The following ZNF677 variants were observed in gnomAD, a reference collection of about 807,000 sequenced individuals.
The protein encoded by ZNF677 is hypothetical protein MGC48625.
A neutral mutation model predicts 8.1 loss-of-function variants in ZNF677; 5 were observed. The ratio of observed to expected loss-of-function variants is 0.62; its 90% CI spans 0.32 to 1.29. The LOEUF is 1.29. ZNF677 is among the 50% of genes most tolerant of loss of function. The probability of loss-of-function intolerance (pLI) is 0.05; values close to 1 mark genes in which losing one functional copy is unlikely to be tolerated. For missense variants in ZNF677, 685 were observed against 685.9 expected, an observed-to-expected ratio of 1.00 and a Z score of 0.01; for synonymous variants, 221 against 225.6, an observed-to-expected ratio of 0.98 and a Z score of 0.18.
At chr19:53,248,233 A>G (rs1210171887) in intron 3 of ZNF677, among the ~76,000 whole-genome samples, 5 of 152,202 alleles carry the variant, frequency 3.3e-5, no homozygotes, top group African/African-American at 1.2e-4. Context: ...TTCTGTTTCT[A>G]TATAGCTCTG....
chr19:53,251,470 C>T (rs1421771240), intron 3 of ZNF677, 66 bp downstream of exon 3: 1 of 1,398,966 alleles, frequency 7.1e-7, no homozygotes. Flanking sequence ...ATAAAATTAG[C>T]AAGTCCAAAA....
At chr19:53,245,008 T>C (rs942255577) in intron 3 of ZNF677, among the ~76,000 whole-genome samples, 13 of 152,174 alleles carry the variant, frequency 8.5e-5, no homozygotes, top group African/African-American at 3.1e-4. Flanking sequence ...GAAAAGATGC[T>C]GTCTTCAGTA....
chr19:53,244,439 C>T (rs369284258), intron 3 of ZNF677, among the ~76,000 whole-genome samples: 8 of 152,216 alleles, frequency 5.3e-5, no homozygotes, highest in South Asian at 2.1e-4. Context: ...TATACACCAC[C>T]ACCTCTGTCT....
At chr19:53,241,615 T>G (rs2091050627) in intron 4 of ZNF677, 1 of 379,442 alleles carries the variant, frequency 2.6e-6, no homozygotes, top group Non-Finnish European at 4.7e-6. Flanking sequence ...CTAACCAGCG[T>G]TGTCACACTG....
At position 53,236,726 on chromosome 19, in the gene ZNF677, C is replaced by A; in HGVS notation, c.*246G>T. On this transcript the variant is annotated 3_prime_UTR_variant, in exon 5 of 5. Transcript: ENST00000598513. Reference sequence around the variant, plus strand: ...CCATCCTGAATGTCTTCTGTTATAACCATAATAGGGTAAATATTTTTATAA... The same window carrying A: ...CCATCCTGAATGTCTTCTGTTATAAACATAATAGGGTAAATATTTTTATAA... 1 of 329,736 alleles carries A rather than the reference C, an allele frequency of 3.0e-6. No individual in the cohort carries two copies. Among genetic ancestry groups the A allele is most frequent in the South Asian group, 5.9e-5 (1 of 16,856 alleles). 20.4% of individuals were successfully genotyped at this position (329,736 alleles called of 1,614,324 possible).
chr19:53,238,538 T>C lies in ZNF677; in HGVS notation c.189A>G (p.Thr63=). 4.5e-6 allele frequency: 7 copies of C among 1,567,626 alleles called. No homozygotes were observed. The highest frequency in any genetic ancestry group is 6.0e-6 in the Non-Finnish European group (7 of 1,163,166). ...PPEDDISVGF[T]SKGLSPKENN... ...TTTCCTTTGGTGATAATCCCTTGCT[T>C]GTAAATCCAACAGAAATATCTGAAA... Residue 63 remains threonine, a synonymous_variant, in exon 5 of 5, where the codon ACA becomes ACG. Coordinates refer to ENST00000598513, the MANE Select transcript of ZNF677 (RefSeq NM_182609.4).
chr19:53,249,697 C>A (rs189102619), intron 3 of ZNF677, among the ~76,000 whole-genome samples: 195 of 151,922 alleles, frequency 1.3e-3, no homozygotes, highest in African/African-American at 4.6e-3. Flanking sequence ...CTAAGCATCA[C>A]TGCATGACAT....
chr19:53,252,331 T>C (rs1298273671), intron 2 of ZNF677, among the ~76,000 whole-genome samples: 4 of 152,184 alleles, frequency 2.6e-5, no homozygotes, highest in Non-Finnish European at 5.9e-5. Flanking sequence ...ATTTCTGGTA[T>C]ACCCATCATC....
intron 3 of ZNF677, among the ~76,000 whole-genome samples, chr19:53,246,604 T>C (rs566286115): frequency 1.3e-5 from 2 of 151,216 alleles, no homozygotes; most frequent in South Asian, 2.1e-4. Flanking sequence ...TGAATGAAAA[T>C]GGAGTATGTT....
At chr19:53,245,764 A>C (rs777061862) in intron 3 of ZNF677, among the ~76,000 whole-genome samples, 3 of 152,204 alleles carry the variant, frequency 2.0e-5, no homozygotes, top group Non-Finnish European at 4.4e-5. Context: ...CTGTAATCCC[A>C]GCACTTTGGG....
intron 2 of ZNF677, 87 bp from the exon 3 acceptor site, chr19:53,251,692 GA>G (rs1035191294): frequency 1.0e-5 from 9 of 899,872 alleles, no homozygotes; most frequent in Admixed American, 3.0e-5. Context: ...GCTTGATATA[GA>G]AAAAAGATGG....
chr19:53,245,838 C>A (rs561542513), intron 3 of ZNF677, among the ~76,000 whole-genome samples: 1 of 151,764 alleles, frequency 6.6e-6, no homozygotes, highest in East Asian at 1.9e-4. Flanking sequence ...ATGGTGAAAC[C>A]TCATCTCTAT....
At position 53,238,298 on chromosome 19, in the gene ZNF677, G is replaced by T. The variant is rs761335006; in HGVS notation, c.429C>A (p.Phe143Leu). The T allele has an allele frequency of 3.1e-6, 5 of 1,613,712 alleles. No individual in the cohort carries two copies. The highest frequency in any genetic ancestry group is 3.3e-4 in the Middle Eastern group (2 of 6,080). ...DQQHNKSSIH[F>L]SLKQSVSIRD... ...TTATAGAAACACTCTGCTTTAAAGA[G>T]AAATGTATTGAGGATTTATTATGTT... The change falls in exon 5 of 5, where the codon TTC (phenylalanine) becomes TTA (leucine). Residue 143 changes from phenylalanine to leucine, a missense_variant. Physicochemically the swap from Phe to Leu is conservative, Grantham distance 22. Transcript: ENST00000598513.
At chr19:53,241,162 C>T (rs2146938456) in intron 4 of ZNF677, 1 of 151,842 alleles carries the variant, frequency 6.6e-6, no homozygotes, top group East Asian at 1.9e-4. Flanking sequence ...TCTGGTAAAA[C>T]ATATAAAACA....
At chr19:53,246,234 C>T (rs2091136469) in intron 3 of ZNF677, among the ~76,000 whole-genome samples, 1 of 145,432 alleles carries the variant, frequency 6.9e-6, no homozygotes, top group East Asian at 2.1e-4. Flanking sequence ...AGGAGAATGG[C>T]GGGAACCCAG....
Position 53,246,831 on chromosome 19 carries a change from T to C in ZNF677, c.16-2934A>G, listed in dbSNP as rs992241623. 2.0e-5 allele frequency among the ~76,000 whole-genome samples: 3 copies of C among 152,206 alleles called. No homozygotes were observed. In the South Asian group the frequency reaches 6.2e-4, roughly 32 times the overall value. ...TGCTTATAGTTAATCCTGTATTGTA[T>C]ACTTAAAAATTTGTTAAGACAGTAG... On this transcript the variant is annotated intron_variant, in intron 3 of 4. Transcript: ENST00000598513.
intron 3 of ZNF677, among the ~76,000 whole-genome samples, chr19:53,246,487 TACACACACAC>T (rs60644090): frequency 0.04 from 5,581 of 140,314 alleles, 143 homozygotes; most frequent in Non-Finnish European, 0.048. Context: ...AAAGAAAATG[TACACACACAC>T]ACACACACAC....
chr19:53,251,359 C>T (rs554133268), intron 3 of ZNF677, among the ~76,000 whole-genome samples, 177 bp downstream of exon 3: 5 of 152,126 alleles, frequency 3.3e-5, no homozygotes, highest in Non-Finnish European at 7.4e-5. Flanking sequence ...TCCAAAGTTC[C>T]GTGTTACCGG....
rs761941041 is a variant in ZNF677, at chr19:53,237,010, AT to A, written c.1716del (p.Lys572AsnfsTer41). ...QKSYNREKHIKYNETKIKYSS... is the reference protein window; with the variant it reads ...QKSYNREKHIXYNETKIKYSS... Reference sequence around the variant, plus strand: ...GAATACTTAATTTTTGTCTCATTATATTTGATATGTTTTTCTCTATTATAAC... The same window carrying A: ...GAATACTTAATTTTTGTCTCATTATATTGATATGTTTTTCTCTATTATAAC... On this transcript the variant is annotated frameshift_variant, in exon 5 of 5. Coordinates refer to ENST00000598513, the MANE Select transcript of ZNF677 (RefSeq NM_182609.4). LOFTEE classifies it low-confidence loss of function (END_TRUNC). 2 of 1,588,046 alleles carry A rather than the reference AT, an allele frequency of 1.3e-6. No homozygotes were observed. The highest frequency in any genetic ancestry group is 4.5e-5 in the East Asian group (2 of 44,702).
Sources: gnomAD v4.1 joint callset for allele counts (sites outside exome capture counted in the v4.1 genomes callset) on GRCh38, gnomAD v4.1.1 for gene constraint, MANE v1.5 for transcripts, NCBI Gene and HGNC (gene_info 2026-07-23, HGNC 2026-07-21) for gene names.